Variants in ERBIN observed in about 807,000 individuals in gnomAD.
ERBIN encodes the protein erbb2 interacting protein.
Under a neutral mutation model 158.4 loss-of-function variants are expected in ERBIN, and 60 were observed. That is an observed-to-expected ratio of 0.38 (90% CI 0.31 to 0.47). ERBIN has a LOEUF of 0.47. Ranked by LOEUF, ERBIN falls within the 20% of genes least tolerant of loss-of-function variation. The probability of loss-of-function intolerance (pLI) is 0.99; values close to 1 mark genes in which losing one functional copy is unlikely to be tolerated. For missense variants in ERBIN, 1,610 were observed against 1,648.0 expected (o/e 0.98, Z 0.40); for synonymous variants, 594 against 557.2 (o/e 1.07, Z -0.93).
intron 1 of ERBIN, among the ~76,000 whole-genome samples, chr5:65,937,075 GA>G (rs1412592196): frequency 6.6e-6 from 1 of 152,178 alleles, no homozygotes; most frequent in Admixed American, 6.5e-5. Flanking sequence ...TTATGACATT[GA>G]AAAATTAAAT....
At chr5:66,037,154 TAAG>T (rs976277186) in intron 14 of ERBIN, among the ~76,000 whole-genome samples, 1 of 152,140 alleles carries the variant, frequency 6.6e-6, no homozygotes, top group African/African-American at 2.4e-5. Context: ...GTTCATCTGC[TAAG>T]AAGCCAAAAG....
intron 1 of ERBIN, among the ~76,000 whole-genome samples, chr5:65,940,371 TGAG>T (rs1320125228): frequency 9.9e-5 from 14 of 141,696 alleles, no homozygotes; most frequent in Non-Finnish European, 2.1e-4. Context: ...GTCTGGGAAG[TGAG>T]GAGCATCTCC....
rs1208306557 is a variant in ERBIN, at chr5:65,992,702, T to C, written c.-9-8T>C. 1 of 1,564,072 alleles carries C rather than the reference T, an allele frequency of 6.4e-7. No homozygotes were observed. Among genetic ancestry groups the C allele is most frequent in the Non-Finnish European group, 8.6e-7 (1 of 1,158,832 alleles). ...TGTTTTAAATTTCTTTTTATTCGAATATTGCAGTGTCTAAAAATGACTACA... is the reference window on the plus strand; with the variant it reads ...TGTTTTAAATTTCTTTTTATTCGAACATTGCAGTGTCTAAAAATGACTACA... On this transcript the variant is annotated splice_region_variant and splice_polypyrimidine_tract_variant and intron_variant, in intron 2 of 25. Coordinates refer to ENST00000284037, the MANE Select transcript of ERBIN (RefSeq NM_001253697.2).
chr5:65,961,059 A>C (rs1343974751), intron 1 of ERBIN: 1 of 152,238 alleles, frequency 6.6e-6, no homozygotes, highest in Non-Finnish European at 1.5e-5. Context: ...TAAAAGGGAA[A>C]AATTTTAAAC....
At chr5:65,960,874 C>T (rs1244376068) in intron 1 of ERBIN, among the ~76,000 whole-genome samples, 1 of 151,912 alleles carries the variant, frequency 6.6e-6, no homozygotes, top group East Asian at 1.9e-4. Context: ...TTTTCAGCTT[C>T]ATGGCTGGAG....
chr5:66,074,987 T>C (rs1561460871), intron 22 of ERBIN, 37 bp from the exon 23 acceptor site: 1 of 1,571,582 alleles, frequency 6.4e-7, no homozygotes, highest in South Asian at 1.1e-5. Context: ...TAAGACATTA[T>C]TATTGGTCAT....
chr5:65,943,100 T>C (rs899424209), intron 1 of ERBIN, among the ~76,000 whole-genome samples: 2 of 152,206 alleles, frequency 1.3e-5, no homozygotes, highest in African/African-American at 4.8e-5. Flanking sequence ...CTAAAGTCTA[T>C]TGTTTATATT....
chr5:65,992,925 T>G lies in ERBIN; in HGVS notation c.189+18T>G. On this transcript the variant is annotated intron_variant, in intron 3 of 25. Coordinates refer to ENST00000284037, the MANE Select transcript of ERBIN (RefSeq NM_001253697.2). ...TTCCAAAGGTATGCTAATACTTTCT[T>G]TCAAGAATTATCTTTGGTTATTTTT... 1 of 1,502,472 alleles carries G rather than the reference T, an allele frequency of 6.7e-7. No individual in the cohort carries two copies. The highest frequency in any genetic ancestry group is 8.9e-7 in the Non-Finnish European group (1 of 1,117,896). The allele number at this position is 1,502,472 out of a possible 1,614,324, so 93.1% of individuals were successfully genotyped here.
chr5:65,953,788 T>C (rs993829328), intron 1 of ERBIN, among the ~76,000 whole-genome samples: 2 of 152,180 alleles, frequency 1.3e-5, no homozygotes, highest in African/African-American at 4.8e-5. Flanking sequence ...TCCTTTGATA[T>C]AAAGCAGAGG....
chr5:65,938,004 A>T (rs887584483), intron 1 of ERBIN, among the ~76,000 whole-genome samples: 5 of 152,206 alleles, frequency 3.3e-5, no homozygotes, highest in Non-Finnish European at 7.3e-5. Flanking sequence ...TTACGATAGC[A>T]TATCTCTTTC....
In ERBIN at chr5:66,051,046, A is replaced by C. The variant is rs72770221; in HGVS notation, c.2087+80A>C. 943 of 865,212 alleles carry C rather than the reference A, an allele frequency of 1.1e-3. 2 individuals carry two copies. The highest frequency in any genetic ancestry group is 1.5e-3 in the Non-Finnish European group (869 of 568,550). 53.6% of individuals were successfully genotyped at this position (865,212 alleles called of 1,614,324 possible). On this transcript the variant is annotated intron_variant, in intron 20 of 25. Coordinates refer to ENST00000284037, the MANE Select transcript of ERBIN (RefSeq NM_001253697.2). ...GCAGATAACAAATACATAAATATAT[A>C]GGGTTTAATAAATATTATAGAAGTG... is the stretch of plus-strand genomic sequence containing the variant.
chr5:66,071,969 A>G (rs1438327229), intron 21 of ERBIN, among the ~76,000 whole-genome samples, 200 bp from the exon 22 acceptor site: 3 of 152,204 alleles, frequency 2.0e-5, no homozygotes, highest in Admixed American at 2.0e-4. Flanking sequence ...CTTTTCATAC[A>G]TACAAAAATA....
chr5:66,071,301 C>A (rs1251698609), intron 21 of ERBIN, among the ~76,000 whole-genome samples: 1 of 152,018 alleles, frequency 6.6e-6, no homozygotes, highest in Non-Finnish European at 1.5e-5. Flanking sequence ...TCCAGGAAGT[C>A]GAGGCTGCGG....
At chr5:65,978,146 T>G (rs1345805383) in intron 1 of ERBIN, among the ~76,000 whole-genome samples, 1 of 152,232 alleles carries the variant, frequency 6.6e-6, no homozygotes, top group Non-Finnish European at 1.5e-5. Context: ...CCAAGTCAAC[T>G]CTATGCTAGG....
At chr5:66,062,946 C>T (rs1176658204) in intron 21 of ERBIN, among the ~76,000 whole-genome samples, 1 of 152,158 alleles carries the variant, frequency 6.6e-6, no homozygotes, top group Non-Finnish European at 1.5e-5. Flanking sequence ...GTCAGTCTGC[C>T]CCTACTGGGG....
intron 1 of ERBIN, among the ~76,000 whole-genome samples, chr5:65,968,508 AGAAG>A (rs1748910576): frequency 6.6e-6 from 1 of 152,238 alleles, no homozygotes; most frequent in African/African-American, 2.4e-5. Context: ...TATTGAGTAA[AGAAG>A]GAAGGTAGGC....
chr5:66,063,307 G>A (rs556163608), intron 21 of ERBIN, among the ~76,000 whole-genome samples: 1 of 152,336 alleles, frequency 6.6e-6, no homozygotes, highest in African/African-American at 2.4e-5. Flanking sequence ...CTAGCAATGA[G>A]CGAGGCTCCA....
chr5:65,977,406 G>A (rs1365732487), intron 1 of ERBIN, among the ~76,000 whole-genome samples: 14 of 151,820 alleles, frequency 9.2e-5, no homozygotes, highest in Non-Finnish European at 1.9e-4. Context: ...CAGACGGGGC[G>A]GCTGCCGGGC....
At chr5:66,073,513 G>A (rs1473670586) in intron 22 of ERBIN, among the ~76,000 whole-genome samples, 1 of 152,106 alleles carries the variant, frequency 6.6e-6, no homozygotes, top group Non-Finnish European at 1.5e-5. Context: ...ACCCATGTGT[G>A]TTCCTAGACT....
Sources: allele counts gnomAD v4.1 joint callset (sites outside exome capture counted in the v4.1 genomes callset), GRCh38; gene constraint gnomAD v4.1.1; transcripts MANE v1.5; gene names NCBI Gene and HGNC (gene_info 2026-07-23, HGNC 2026-07-21).